The following SLFN12 variants were observed in gnomAD, a reference collection of about 807,000 sequenced individuals.
SLFN12 encodes schlafen family member 12, also known as ribonuclease SLFN12.
SLFN12 carries 25 observed loss-of-function variants against 29.1 expected under a neutral mutation model. That is an observed-to-expected ratio of 0.86 (90% CI 0.63 to 1.20). The LOEUF is 1.20. SLFN12 is among the 50% of genes most tolerant of loss of function. The pLI is 0.00. For missense variants in SLFN12, 660 were observed against 666.2 expected (o/e 0.99, Z 0.10); for synonymous variants, 257 against 238.7 (o/e 1.08, Z -0.71).
At chr17:35,419,782 G>A (rs722374) in intron 3 of SLFN12, among the ~76,000 whole-genome samples, 29,537 of 152,018 alleles carry the variant, frequency 0.19, 4,360 homozygotes, top group African/African-American at 0.41. Context: ...TAGGCACCCA[G>A]GAGAAAATCT....
chr17:35,424,471 TTTAAGTGTAAC>T (rs1911888558), intron 1 of SLFN12, among the ~76,000 whole-genome samples: 1 of 152,182 alleles, frequency 6.6e-6, no homozygotes, highest in Admixed American at 6.5e-5. Flanking sequence ...AAGTTTAACT[TTTAAGTGTAAC>T]TTAAGTGTAA....
chr17:35,412,150 A>C (rs1199748967), intron 3 of SLFN12, among the ~76,000 whole-genome samples: 1 of 152,136 alleles, frequency 6.6e-6, no homozygotes, highest in Non-Finnish European at 1.5e-5. Context: ...GTAGCTTCAC[A>C]TTCACCCCTG....
Position 35,422,318 on chromosome 17 carries a change from C to CAA in SLFN12, c.709_710dup (p.Leu237PhefsTer6), listed in dbSNP as rs1223468075. 4 of 1,613,808 alleles carry CAA rather than the reference C, an allele frequency of 2.5e-6. No individual in the cohort carries two copies. Among genetic ancestry groups the CAA allele is most frequent in the Non-Finnish European group, 3.4e-6 (4 of 1,179,916 alleles). On this transcript the variant is annotated frameshift_variant, in exon 2 of 4. Transcript: ENST00000304905. LOFTEE classifies it high-confidence loss of function. ...CTTTATCTTCATTTAAACCAATGAA[C>CAA]AAATATCCTCCATCAGTATTTGCAA...
intron 1 of SLFN12, among the ~76,000 whole-genome samples, chr17:35,424,680 C>A (rs1911898910): frequency 6.6e-6 from 1 of 152,092 alleles, no homozygotes; most frequent in Non-Finnish European, 1.5e-5. Flanking sequence ...GTTGTGGATA[C>A]CACCTGTGTC....
At chr17:35,428,670 C>T (rs1013235472) in intron 1 of SLFN12, among the ~76,000 whole-genome samples, 2 of 151,950 alleles carry the variant, frequency 1.3e-5, no homozygotes, top group African/African-American at 4.8e-5. Flanking sequence ...AAAAAGAGAA[C>T]CTAAGTGGGG....
rs76139213 is a variant in SLFN12 at position 35,411,921 on chromosome 17, G to A, written c.1154C>T (p.Ser385Leu). 2.0e-3 allele frequency: 3,102 copies of A among 1,583,368 alleles called. 49 individuals are homozygous for A. The African/African-American group carries it at 0.035, about 18-fold the overall frequency. Residue 385 changes from serine to leucine, a missense_variant, in exon 4 of 4, where the codon TCA becomes TTA. Ser to Leu is a moderately radical substitution (Grantham distance 145). Coordinates refer to ENST00000304905, the MANE Select transcript of SLFN12 (RefSeq NM_018042.5). ...TTCTGGAGTATACGTTATCCTTCCTGATAGCCCTGAATAAGGAAATAATAA... is the reference window on the plus strand; with the variant it reads ...TTCTGGAGTATACGTTATCCTTCCTAATAGCCCTGAATAAGGAAATAATAA... ...QRQRHHCPGL[S>L]GRITYTPENL...
intron 2 of SLFN12, 89 bp from the exon 3 acceptor site, chr17:35,420,470 G>A (rs1319198609): frequency 4.0e-6 from 3 of 749,080 alleles, no homozygotes; most frequent in East Asian, 6.0e-5. Context: ...AAGTCTACTT[G>A]TAACTGATTC....
chr17:35,413,160 G>A (rs1911124334), intron 3 of SLFN12, among the ~76,000 whole-genome samples: 1 of 151,696 alleles, frequency 6.6e-6, no homozygotes, highest in African/African-American at 2.4e-5. Context: ...AGAGAAAGGA[G>A]AGAAAAATAA....
Position 35,422,077 on chromosome 17 carries a change from C to T in SLFN12, c.952G>A (p.Glu318Lys). ...TCTTTCACATGCCAGGAATCAGGCT[C>T]TTTAGCAAACACTGCACAGCAGAAG... ...ERFCCAVFAK[E>K]PDSWHVKDNR... The change falls in exon 2 of 4, where the codon GAG becomes AAG. Residue 318 changes from glutamate (E) to lysine (K), a missense_variant. By Grantham distance (56) the Glu-to-Lys change is moderately conservative. Coordinates refer to ENST00000304905, the MANE Select transcript of SLFN12 (RefSeq NM_018042.5). 1.9e-6 allele frequency: 3 copies of T among 1,614,108 alleles called. No homozygotes were observed. The highest frequency in any genetic ancestry group is 1.7e-5 in the Admixed American group (1 of 60,022).
chr17:35,424,062 T>C (rs1464372725), intron 1 of SLFN12, among the ~76,000 whole-genome samples: 1 of 152,126 alleles, frequency 6.6e-6, no homozygotes, highest in Non-Finnish European at 1.5e-5. Flanking sequence ...CATTGTGCTT[T>C]AGTCTATGTA....
intron 1 of SLFN12, among the ~76,000 whole-genome samples, chr17:35,427,861 C>T (rs1209560427): frequency 6.6e-6 from 1 of 152,042 alleles, no homozygotes; most frequent in East Asian, 1.9e-4. Context: ...TTCATTGAGT[C>T]TAAGAGTGCC....
At chr17:35,427,495 G>A (rs1338978850) in intron 1 of SLFN12, among the ~76,000 whole-genome samples, 2 of 152,114 alleles carry the variant, frequency 1.3e-5, no homozygotes, top group East Asian at 3.8e-4. Context: ...CACAAAATGA[G>A]TTGAGGATGT....
chr17:35,427,413 T>C lies in SLFN12; in HGVS notation c.-40-4345A>G, dbSNP rs189121339. 1.2e-3 allele frequency among the ~76,000 whole-genome samples: 187 copies of C among 152,260 alleles called. 1 individual carries two copies. Among genetic ancestry groups the C allele is most frequent in the Non-Finnish European group, 1.9e-3 (128 of 68,018 alleles). On this transcript the variant is annotated intron_variant, in intron 1 of 3. Transcript: ENST00000304905. ...CTTTATATTAAACGCAATTCGATAA[T>C]ATTTTTAAGATTTTGCACCCATGAT... is the stretch of plus-strand genomic sequence containing the variant.
At chr17:35,429,229 G>A (rs1912177189) in intron 1 of SLFN12, among the ~76,000 whole-genome samples, 1 of 152,032 alleles carries the variant, frequency 6.6e-6, no homozygotes, top group Admixed American at 6.6e-5. Context: ...TAAGGAGGGT[G>A]CTCATACCAC....
rs1436158883 is a variant in SLFN12, at chr17:35,410,932, CCTT to C, written c.*403_*405del. The C allele has an allele frequency of 6.5e-6, 1 of 153,106 alleles. No homozygotes were observed. Among genetic ancestry groups the C allele is most frequent in the Non-Finnish European group, 1.5e-5 (1 of 68,828 alleles). The allele number at this position is 153,106 out of a possible 1,614,324, so 9.5% of individuals were successfully genotyped here. On this transcript the variant is annotated 3_prime_UTR_variant, in exon 4 of 4. Transcript: ENST00000304905. ...TTTTGTTTTGAGAAAATGAGTTTTG[CCTT>C]CTTATTCATTCCCACTGTGGAAATT...
rs917174039 is a variant in SLFN12, at chr17:35,422,046, C to G, written c.983G>C (p.Arg328Pro). ...EPDSWHVKDN[R>P]VMQLTRKEWI... ...TTCCTTCCTGGTCAACTGCATCACACGGTTATCTTTCACATGCCAGGAATC... is the reference window on the plus strand; with the variant it reads ...TTCCTTCCTGGTCAACTGCATCACAGGGTTATCTTTCACATGCCAGGAATC... Residue 328 changes from arginine (R) to proline (P), a missense_variant, in exon 2 of 4, where the codon CGT becomes CCT. By Grantham distance (103) the Arg-to-Pro change is moderately radical (BLOSUM62 -2). Transcript: ENST00000304905. The G allele has an allele frequency of 1.9e-6, 3 of 1,613,940 alleles. No individual in the cohort carries two copies. Among genetic ancestry groups the G allele is most frequent in the Non-Finnish European group, 2.5e-6 (3 of 1,180,010 alleles).
chr17:35,421,534 C>CTTTT lies in SLFN12; in HGVS notation c.1039+452_1039+455dup, dbSNP rs770181686. On this transcript the variant is annotated intron_variant, in intron 2 of 3. Transcript: ENST00000304905. ...ATAGAAGAAAACAAGAGGCAGGGAA[C>CTTTT]TTTTTTTTTTTTTTTTTTTTTTTGA... is the stretch of plus-strand genomic sequence containing the variant. 9.0e-4 allele frequency among the ~76,000 whole-genome samples: 94 copies of CTTTT among 104,282 alleles called. 2 individuals carry two copies. The highest frequency in any genetic ancestry group is 3.1e-3 in the African/African-American group (76 of 24,916). The allele number at this position is 104,282 out of a possible 152,430, so 68.4% of individuals were successfully genotyped here. A position where few individuals can be genotyped will look rare whatever the true frequency, so the allele number is the denominator to read the frequency against.
Position 35,428,317 on chromosome 17 carries a change from G to A in SLFN12, c.-41+3871C>T, listed in dbSNP as rs73989721. On this transcript the variant is annotated intron_variant, in intron 1 of 3. Coordinates refer to ENST00000304905, the MANE Select transcript of SLFN12 (RefSeq NM_018042.5). The stretch of plus-strand genomic sequence containing the variant: ...ACAGCACTTTGCCTTGAACCTTTTG[G>A]GGGGAAGAGGATATGGTATAAAAGC... 4.3e-3 allele frequency among the ~76,000 whole-genome samples: 661 copies of A among 152,158 alleles called. 8 individuals are homozygous for A. Among genetic ancestry groups the A allele is most frequent in the African/African-American group, 0.015 (629 of 41,522 alleles).
chr17:35,414,952 T>A (rs1423030561), intron 3 of SLFN12, among the ~76,000 whole-genome samples: 2 of 152,026 alleles, frequency 1.3e-5, no homozygotes, highest in African/African-American at 4.8e-5. Flanking sequence ...AAAAGCAATC[T>A]ACATCAATGC....
Sources: gnomAD v4.1 joint callset for allele counts (sites outside exome capture counted in the v4.1 genomes callset) on GRCh38, gnomAD v4.1.1 for gene constraint, MANE v1.5 for transcripts, NCBI Gene and HGNC (gene_info 2026-07-23, HGNC 2026-07-21) for gene names.